RIMS1: variants seen among roughly 807,000 people sequenced by gnomAD.
RIMS1 encodes the protein regulating synaptic membrane exocytosis protein 1.
In RIMS1, 83 loss-of-function variants were observed where a neutral mutation model predicts 214.1. The observed-to-expected ratio is 0.39, with a 90% confidence interval of 0.32 to 0.47. RIMS1 has a LOEUF of 0.47. RIMS1 is among the 20% of genes least tolerant of loss of function. RIMS1 has a pLI of 0.99. For synonymous variants in RIMS1, 793 were observed against 786.8 expected, an observed-to-expected ratio of 1.01 and a Z score of -0.13; for missense variants, 2,050 against 2,161.8, an observed-to-expected ratio of 0.95 and a Z score of 1.03.
chr6:72,157,190 G>A (rs190817616), intron 4 of RIMS1, among the ~76,000 whole-genome samples: 4 of 140,474 alleles, frequency 2.8e-5, no homozygotes, highest in African/African-American at 7.4e-5. Context: ...AAACCTTTTC[G>A]GGATTTATGT....
intron 29 of RIMS1, among the ~76,000 whole-genome samples, chr6:72,343,599 C>G (rs1362333663): frequency 6.8e-6 from 1 of 148,044 alleles, no homozygotes; most frequent in African/African-American, 2.5e-5. Context: ...GCATGAGTCA[C>G]CACACCTGGC....
At chr6:72,213,466 A>G (rs2054303253) in intron 6 of RIMS1, among the ~76,000 whole-genome samples, 2 of 152,318 alleles carry the variant, frequency 1.3e-5, no homozygotes, top group East Asian at 1.9e-4. Flanking sequence ...AATTATGTTT[A>G]TGATTGATTC....
intron 6 of RIMS1, among the ~76,000 whole-genome samples, chr6:72,226,349 GA>G (rs2060170915): frequency 6.6e-6 from 1 of 151,958 alleles, no homozygotes; most frequent in Non-Finnish European, 1.5e-5. Context: ...AAACTAGGAA[GA>G]ATTAATCTGA....
chr6:72,071,890 A>C (rs1005284802), intron 2 of RIMS1, among the ~76,000 whole-genome samples: 3 of 152,238 alleles, frequency 2.0e-5, no homozygotes, highest in Non-Finnish European at 4.4e-5. Context: ...GACTCAGGGA[A>C]GGACATAACA....
intron 26 of RIMS1, among the ~76,000 whole-genome samples, chr6:72,303,482 T>C (rs1425512219): frequency 1.3e-5 from 2 of 151,324 alleles, no homozygotes; most frequent in African/African-American, 4.8e-5. Flanking sequence ...CATTTGAAAA[T>C]TGTAATAATT....
intron 1 of RIMS1, among the ~76,000 whole-genome samples, chr6:71,918,805 G>A (rs1193460728): frequency 1.3e-5 from 2 of 152,114 alleles, no homozygotes; most frequent in East Asian, 3.9e-4. Context: ...AAACTGATAA[G>A]AGGTAAATTA....
intron 1 of RIMS1, among the ~76,000 whole-genome samples, chr6:71,896,024 T>C (rs556934597): frequency 6.6e-6 from 1 of 152,342 alleles, no homozygotes; most frequent in African/African-American, 2.4e-5. Flanking sequence ...ATATTGGAGC[T>C]TAAGCCTTCT....
chr6:72,382,970 GCCATT>G (rs2098518156), intron 29 of RIMS1, among the ~76,000 whole-genome samples: 1 of 152,120 alleles, frequency 6.6e-6, no homozygotes. Context: ...TCCAGATAAA[GCCATT>G]GGCTTGCTTT....
rs373897944 is a variant in RIMS1 at position 72,254,107 on chromosome 6, G to A, written c.2770+1275G>A. 1.8e-4 allele frequency among the ~76,000 whole-genome samples: 27 copies of A among 152,114 alleles called. No homozygotes were observed. The South Asian group carries it at 4.1e-3, about 23-fold the overall frequency. On this transcript the variant is annotated intron_variant, in intron 16 of 33. Transcript: ENST00000521978. ...TCTTGTTCTCTTGACCTCATGATCC[G>A]CCCACCTCGGCCTCCCAAAGTGCTG...
At chr6:72,125,163 T>C (rs2039245933) in intron 4 of RIMS1, among the ~76,000 whole-genome samples, 1 of 152,224 alleles carries the variant, frequency 6.6e-6, no homozygotes, top group African/African-American at 2.4e-5. Context: ...GATGGGGTTT[T>C]GGTGTAGATG....
At chr6:72,038,784 G>A (rs1467173603) in intron 2 of RIMS1, among the ~76,000 whole-genome samples, 1 of 152,102 alleles carries the variant, frequency 6.6e-6, no homozygotes, top group Non-Finnish European at 1.5e-5. Flanking sequence ...TCTGCACTTT[G>A]CAAGAACCTG....
At chr6:72,333,882 A>G (rs1263270844) in intron 29 of RIMS1, 47 bp downstream of exon 29, 1 of 1,346,264 alleles carries the variant, frequency 7.4e-7, no homozygotes, top group South Asian at 1.3e-5. Flanking sequence ...TTTTATGGAG[A>G]GAAAAACTTG....
At chr6:72,071,123 A>G (rs1830485221) in intron 2 of RIMS1, among the ~76,000 whole-genome samples, 1 of 152,210 alleles carries the variant, frequency 6.6e-6, no homozygotes, top group Non-Finnish European at 1.5e-5. Flanking sequence ...TAGGCTCAGC[A>G]CAGTGGCTCA....
chr6:72,236,420 G>C (rs1419738603), intron 8 of RIMS1, among the ~76,000 whole-genome samples: 1 of 152,042 alleles, frequency 6.6e-6, no homozygotes, highest in Non-Finnish European at 1.5e-5. Flanking sequence ...AGTCTTTATA[G>C]TCATAGACCT....
intron 1 of RIMS1, among the ~76,000 whole-genome samples, chr6:71,962,642 T>C (rs992365419): frequency 6.6e-6 from 1 of 152,194 alleles, no homozygotes; most frequent in African/African-American, 2.4e-5. Context: ...TGTTCACTGA[T>C]AATTGACATG....
chr6:72,187,873 G>T (rs1392122833), intron 6 of RIMS1, among the ~76,000 whole-genome samples: 1 of 152,078 alleles, frequency 6.6e-6, no homozygotes, highest in African/African-American at 2.4e-5. Flanking sequence ...ATATATAAAG[G>T]GGAGTTTATT....
At chr6:71,887,252 C>G in intron 1 of RIMS1, 65 bp downstream of exon 1, 23 of 1,544,460 alleles carry the variant, frequency 1.5e-5, no homozygotes, top group Non-Finnish European at 2.0e-5. Flanking sequence ...ACCACTCACT[C>G]CCCTAGTCCT....
chr6:72,330,526 C>T (rs895099868), intron 28 of RIMS1, among the ~76,000 whole-genome samples: 1 of 151,532 alleles, frequency 6.6e-6, no homozygotes, highest in African/African-American at 2.4e-5. Flanking sequence ...TTTAGTGGTG[C>T]ATAAAGTGCA....
At chr6:72,359,305 TG>T (rs2097750674) in intron 29 of RIMS1, among the ~76,000 whole-genome samples, 1 of 152,154 alleles carries the variant, frequency 6.6e-6, no homozygotes, top group Non-Finnish European at 1.5e-5. Context: ...AAATGACCAC[TG>T]GGGAGATTAG....
Sources: allele counts gnomAD v4.1 joint callset (sites outside exome capture counted in the v4.1 genomes callset), GRCh38; gene constraint gnomAD v4.1.1; transcripts MANE v1.5; gene names NCBI Gene and HGNC (gene_info 2026-07-23, HGNC 2026-07-21).